Variants in BEND7 observed in about 807,000 individuals in gnomAD.
The protein encoded by BEND7 is BEN domain-containing protein 7.
BEND7 carries 28 observed loss-of-function variants against 50.9 expected under a neutral mutation model. The observed-to-expected ratio is 0.55, with a 90% confidence interval of 0.41 to 0.75. The LOEUF (loss-of-function observed/expected upper bound fraction) is 0.75. Among genes scored for constraint, BEND7 ranks in the 30% least tolerant of loss-of-function variants. The probability of loss-of-function intolerance (pLI) is 0.00; values close to 1 mark genes in which losing one functional copy is unlikely to be tolerated. For synonymous variants in BEND7, 170 were observed against 183.9 expected (o/e 0.92, Z 0.61); for missense variants, 477 against 491.3 (o/e 0.97, Z 0.28).
chr10:13,493,245 C>T (rs776595207), intron 4 of BEND7, among the ~76,000 whole-genome samples: 11 of 152,146 alleles, frequency 7.2e-5, no homozygotes, highest in African/African-American at 1.4e-4. Flanking sequence ...TAGATAGAGA[C>T]GGCTGTGCTT....
chr10:13,515,252 A>G (rs945332205), intron 2 of BEND7, among the ~76,000 whole-genome samples: 1 of 152,236 alleles, frequency 6.6e-6, no homozygotes, highest in Non-Finnish European at 1.5e-5. Flanking sequence ...TGCTCGCAGA[A>G]TACTCTATGT....
chr10:13,449,454 G>A (rs537761190), intron 7 of BEND7, among the ~76,000 whole-genome samples: 1 of 152,324 alleles, frequency 6.6e-6, no homozygotes, highest in East Asian at 1.9e-4. Flanking sequence ...TGAGACAGAG[G>A]TTGGGAAACT....
intron 6 of BEND7, among the ~76,000 whole-genome samples, chr10:13,472,591 AC>A (rs2074982829): frequency 6.6e-6 from 1 of 150,628 alleles, no homozygotes; most frequent in East Asian, 2.0e-4. Context: ...TGGGGTTGAT[AC>A]CCGTCATCAC....
At chr10:13,455,250 A>C (rs1838681058) in intron 6 of BEND7, among the ~76,000 whole-genome samples, 2 of 152,052 alleles carry the variant, frequency 1.3e-5, no homozygotes, top group African/African-American at 4.8e-5. Flanking sequence ...GGAGAGTGGA[A>C]AGGGCACAGG....
intron 6 of BEND7, among the ~76,000 whole-genome samples, chr10:13,465,854 A>C (rs545871480): frequency 6.7e-6 from 1 of 148,150 alleles, no homozygotes; most frequent in African/African-American, 2.5e-5. Flanking sequence ...ATTCTCACCG[A>C]TTTGAGGCCA....
chr10:13,526,076 T>A (rs1238197413), intron 2 of BEND7, 62 bp downstream of exon 2: 5 of 878,138 alleles, frequency 5.7e-6, no homozygotes, highest in African/African-American at 5.3e-5. Context: ...ATTTCCTTTT[T>A]TCCCCCTAAT....
At chr10:13,505,803 C>T (rs2077839669) in intron 2 of BEND7, among the ~76,000 whole-genome samples, 1 of 152,124 alleles carries the variant, frequency 6.6e-6, no homozygotes, top group African/African-American at 2.4e-5. Flanking sequence ...AGGAAAATTC[C>T]TGGTAACAGT....
At position 13,450,121 on chromosome 10, in the gene BEND7, TG is replaced by T. The variant is rs1359254744; in HGVS notation, c.1183+2417del. Among the ~76,000 whole-genome samples the T allele has an allele frequency of 5.3e-5, 8 of 152,364 alleles. 1 individual carries two copies. The highest frequency in any genetic ancestry group is 9.6e-5 in the African/African-American group (4 of 41,594). On this transcript the variant is annotated intron_variant, in intron 7 of 8. Coordinates refer to ENST00000466271, the MANE Select transcript of BEND7 (RefSeq NM_001369863.1). ...GCTATAGAATAAAAATTATTCCATG[TG>T]ACGACAGCCCCAAATGAATTTCTAT...
At chr10:13,443,686 G>A (rs1291362355) in intron 8 of BEND7, 1 of 152,190 alleles carries the variant, frequency 6.6e-6, no homozygotes, top group African/African-American at 2.4e-5. Context: ...CATGGAAAAT[G>A]GCCTAAAAGA....
At chr10:13,527,585 AGAC>A (rs2079516771) in intron 1 of BEND7, among the ~76,000 whole-genome samples, 1 of 152,238 alleles carries the variant, frequency 6.6e-6, no homozygotes, top group Non-Finnish European at 1.5e-5. Context: ...CTTGATTAAA[AGAC>A]GACATTTAAA....
rs749071973 is a variant in BEND7, at chr10:13,441,704, G to A, written c.*39C>T. On this transcript the variant is annotated 3_prime_UTR_variant, in exon 9 of 9. Transcript: ENST00000466271. ...GCAGAGGACGGATTTTAAAACCCAT[G>A]GTGCAAAAAACACAAGAGCTGTGGT... The A allele has an allele frequency of 3.7e-6, 6 of 1,612,760 alleles. No homozygotes were observed. In the African/African-American group the frequency reaches 6.7e-5, roughly 18 times the overall value.
chr10:13,499,786 C>T lies in BEND7; in HGVS notation c.440G>A (p.Ser147Asn). The T allele has an allele frequency of 6.2e-7, 1 of 1,603,412 alleles. No homozygotes were observed. The highest frequency in any genetic ancestry group is 1.1e-5 in the South Asian group (1 of 90,396). The change falls in exon 3 of 9, where the codon AGC (serine) becomes AAC (asparagine). Residue 147 changes from serine (S) to asparagine (N), a missense_variant. Physicochemically the swap from Ser to Asn is conservative, Grantham distance 46 (BLOSUM62 1). Around this residue, in one of 3 missense-constraint regions of BEND7, gnomAD observed 396 missense variants for 384.2 expected, o/e 1.03. Transcript: ENST00000466271. ...TFQSQPHPTTSSNGELPVVNS... is the reference protein window; with the variant it reads ...TFQSQPHPTTNSNGELPVVNS... ...TTTGTTGACAACCATACCATTGGAG[C>T]TCGTGGTAGGGTGGGGCTGGCTTTG...
At chr10:13,512,423 G>A (rs2078343194) in intron 2 of BEND7, among the ~76,000 whole-genome samples, 1 of 152,188 alleles carries the variant, frequency 6.6e-6, no homozygotes, top group South Asian at 2.1e-4. Flanking sequence ...ATACACCTAG[G>A]AAAAATAGAA....
chr10:13,474,424 C>T (rs1168167356), intron 6 of BEND7, among the ~76,000 whole-genome samples: 1 of 152,040 alleles, frequency 6.6e-6, no homozygotes, highest in Non-Finnish European at 1.5e-5. Context: ...GACTGTTAGA[C>T]TCGGGGCCGA....
intron 2 of BEND7, among the ~76,000 whole-genome samples, chr10:13,524,795 TG>T (rs1261619268): frequency 2.6e-5 from 4 of 152,194 alleles, no homozygotes; most frequent in African/African-American, 9.6e-5. Context: ...AAACAGGTAC[TG>T]GGAGCAGTGC....
intron 5 of BEND7, among the ~76,000 whole-genome samples, chr10:13,482,660 C>T (rs1381989599): frequency 6.6e-6 from 1 of 152,216 alleles, no homozygotes; most frequent in Non-Finnish European, 1.5e-5. Context: ...TCCAGAAAGT[C>T]ATCTCACACT....
chr10:13,470,118 G>A (rs914122436), intron 6 of BEND7, among the ~76,000 whole-genome samples: 4 of 152,174 alleles, frequency 2.6e-5, no homozygotes, highest in African/African-American at 7.2e-5. Flanking sequence ...TTAGGATGCT[G>A]GTGAGCATCT....
chr10:13,467,039 T>C (rs1466033704), intron 6 of BEND7, among the ~76,000 whole-genome samples: 3 of 152,094 alleles, frequency 2.0e-5, no homozygotes, highest in Admixed American at 6.5e-5. Flanking sequence ...CAGTGGAGAT[T>C]TATGCACTGT....
intron 2 of BEND7, among the ~76,000 whole-genome samples, chr10:13,523,507 A>G (rs1484314227): frequency 6.6e-6 from 1 of 152,234 alleles, no homozygotes; most frequent in African/African-American, 2.4e-5. Context: ...AAGGGAACAC[A>G]TATGTTTGAA....
Sources: allele counts gnomAD v4.1 joint callset (sites outside exome capture counted in the v4.1 genomes callset), GRCh38; gene constraint gnomAD v4.1.1; regional missense constraint gnomAD v4.1.1; transcripts MANE v1.5; gene names NCBI Gene and HGNC (gene_info 2026-07-23, HGNC 2026-07-21).